The following TBC1D22A variants were observed in gnomAD, a reference collection of about 807,000 sequenced individuals.
The protein encoded by TBC1D22A is TBC1 domain family member 22A, also known as putative GTPase activator.
In TBC1D22A, 38 loss-of-function variants were observed where a neutral mutation model predicts 60.2. The ratio of observed to expected loss-of-function variants is 0.63; its 90% confidence interval spans 0.49 to 0.83. The LOEUF is 0.83. TBC1D22A is among the 40% of genes least tolerant of loss of function. The pLI is 0.00. For missense variants in TBC1D22A, 628 were observed against 701.0 expected (o/e 0.90, Z 1.18); for synonymous variants, 302 against 281.7 (o/e 1.07, Z -0.72).
At chr22:47,173,109 C>G (rs1239211360) in intron 12 of TBC1D22A, among the ~76,000 whole-genome samples, 6 of 152,244 alleles carry the variant, frequency 3.9e-5, no homozygotes, top group African/African-American at 1.4e-4. Context: ...TGGGTCTCCC[C>G]CTGAGGGGCA....
chr22:46,996,276 T>G (rs2075118892), intron 9 of TBC1D22A, among the ~76,000 whole-genome samples: 3 of 152,218 alleles, frequency 2.0e-5, no homozygotes, highest in African/African-American at 7.2e-5. Flanking sequence ...TGGCTTCCCC[T>G]AGCTGAGACT....
chr22:46,801,637 T>A (rs1160873699), intron 4 of TBC1D22A, among the ~76,000 whole-genome samples: 1 of 152,230 alleles, frequency 6.6e-6, no homozygotes, highest in African/African-American at 2.4e-5. Context: ...GAACACGCAG[T>A]TTCCTGAGGA....
At chr22:46,950,976 AT>A (rs2072868150) in intron 8 of TBC1D22A, among the ~76,000 whole-genome samples, 2 of 152,148 alleles carry the variant, frequency 1.3e-5, no homozygotes, top group South Asian at 4.1e-4. Context: ...TTGTCCTGAA[AT>A]ACGTGTGTGA....
chr22:46,986,293 C>T lies in TBC1D22A; in HGVS notation c.1126-11341C>T, dbSNP rs914281971. ...CCAGTTCACACTGTCTTCATTACTG[C>T]AGATTTTCATGGGTTGGGTAAGGCC... On this transcript the variant is annotated intron_variant, in intron 9 of 12. Transcript: ENST00000337137. Among the ~76,000 whole-genome samples the T allele has an allele frequency of 3.9e-5, 6 of 152,088 alleles. 1 individual carries two copies. Among genetic ancestry groups the T allele is most frequent in the Admixed American group, 6.5e-5 (1 of 15,286 alleles).
intron 11 of TBC1D22A, among the ~76,000 whole-genome samples, chr22:47,080,080 G>A (rs548077993): frequency 5.6e-4 from 86 of 152,242 alleles, no homozygotes; most frequent in Non-Finnish European, 6.5e-4. Flanking sequence ...AACCAAAAAC[G>A]TATAAACTAC....
At chr22:47,096,982 T>C (rs2065204689) in intron 11 of TBC1D22A, among the ~76,000 whole-genome samples, 1 of 107,716 alleles carries the variant, frequency 9.3e-6, no homozygotes, top group African/African-American at 4.0e-5. Flanking sequence ...CTCTGTACCA[T>C]TGATGGAACG....
chr22:46,955,756 G>A (rs1407990654), intron 8 of TBC1D22A, among the ~76,000 whole-genome samples: 1 of 152,132 alleles, frequency 6.6e-6, no homozygotes, highest in Non-Finnish European at 1.5e-5. Flanking sequence ...TGCTCTTCAG[G>A]TGAGGTGAAG....
chr22:47,167,982 A>G (rs2068270978), intron 12 of TBC1D22A, among the ~76,000 whole-genome samples: 1 of 152,106 alleles, frequency 6.6e-6, no homozygotes, highest in African/African-American at 2.4e-5. Context: ...TTATTATCCC[A>G]TTTTACAGAT....
rs564534655 is a variant in TBC1D22A, at chr22:46,995,082, A to G, written c.1126-2552A>G. Among the ~76,000 whole-genome samples the G allele has an allele frequency of 3.9e-5, 6 of 152,266 alleles. No homozygotes were observed. The South Asian group carries it at 1.2e-3, about 32-fold the overall frequency. On this transcript the variant is annotated intron_variant, in intron 9 of 12. Coordinates refer to ENST00000337137, the MANE Select transcript of TBC1D22A (RefSeq NM_014346.5). ...GGCCTAAAAGTCCTGCCCATTAAAC[A>G]CCGTATTTTGGACAGCCAAATTCAG...
At chr22:47,030,049 A>G (rs532405950) in intron 10 of TBC1D22A, among the ~76,000 whole-genome samples, 3 of 152,180 alleles carry the variant, frequency 2.0e-5, no homozygotes, top group Admixed American at 2.0e-4. Context: ...TGCAAATGAG[A>G]AAGGAGGTGG....
At chr22:46,921,060 T>G (rs1235004035) in intron 8 of TBC1D22A, among the ~76,000 whole-genome samples, 2 of 152,176 alleles carry the variant, frequency 1.3e-5, no homozygotes, top group African/African-American at 4.8e-5. Context: ...CATGAGCCAC[T>G]GTGCCCGGCT....
At chr22:47,146,806 C>A (rs1287294802) in intron 12 of TBC1D22A, among the ~76,000 whole-genome samples, 1 of 152,226 alleles carries the variant, frequency 6.6e-6, no homozygotes, top group African/African-American at 2.4e-5. Flanking sequence ...TCCCACAGAC[C>A]TTGTTCCCTC....
intron 3 of TBC1D22A, 138 bp downstream of exon 3, chr22:46,793,979 G>A (rs923497850): frequency 3.5e-6 from 3 of 846,806 alleles, no homozygotes; most frequent in Admixed American, 2.9e-5. Flanking sequence ...GAGCCCTTAT[G>A]GTTCTCTTCC....
At chr22:47,039,935 CTTTTTTTTTTTTTTTTTT>C (rs570751261) in intron 11 of TBC1D22A, among the ~76,000 whole-genome samples, 1 of 77,284 alleles carries the variant, frequency 1.3e-5, no homozygotes, top group Non-Finnish European at 2.3e-5. Context: ...GTGCCACAGC[CTTTTTTTTTTTTTTTTTT>C]TTTTTTTTTG....
At position 47,059,687 on chromosome 22, in the gene TBC1D22A, A is replaced by G. The variant is rs78700161; in HGVS notation, c.1329+22489A>G. ...CTCAAAGGTCCCTCTCTCTGTCATG[A>G]GCTAATTGGAATGAAATGCAGGTGC... On this transcript the variant is annotated intron_variant, in intron 11 of 12. Transcript: ENST00000337137. 7.0e-3 allele frequency among the ~76,000 whole-genome samples: 1,059 copies of G among 152,214 alleles called. 16 individuals carry two copies. Among genetic ancestry groups the G allele is most frequent in the African/African-American group, 0.024 (1,012 of 41,526 alleles).
intron 1 of TBC1D22A, among the ~76,000 whole-genome samples, chr22:46,791,247 CCTG>C: frequency 6.6e-6 from 1 of 152,302 alleles, no homozygotes; most frequent in South Asian, 2.1e-4. Flanking sequence ...GTCCTAAACT[CCTG>C]AGCTCAAGCG....
chr22:47,072,143 C>T (rs907083652), intron 11 of TBC1D22A, among the ~76,000 whole-genome samples: 2 of 152,182 alleles, frequency 1.3e-5, no homozygotes, highest in African/African-American at 2.4e-5. Flanking sequence ...ATGGCCAGGA[C>T]GCTGGTGGGC....
chr22:47,120,796 G>T (rs1232437654), intron 12 of TBC1D22A, among the ~76,000 whole-genome samples: 1 of 152,178 alleles, frequency 6.6e-6, no homozygotes, highest in East Asian at 1.9e-4. Context: ...CACTCATTTA[G>T]GTCTAGAAGT....
chr22:46,789,058 C>G lies in TBC1D22A; in HGVS notation c.63-3462C>G, dbSNP rs572436920. On this transcript the variant is annotated intron_variant, in intron 1 of 12. Transcript: ENST00000337137. ...ATCAGGTACGTGCTGTTTTGTTTGT[C>G]TCAACCTTCTGCCAGCCACTTTTCC... 65 of 164,158 alleles carry G rather than the reference C, an allele frequency of 4.0e-4. No homozygotes were observed. The South Asian group carries it at 7.7e-3, about 19-fold the overall frequency. 10.2% of individuals were successfully genotyped at this position (164,158 alleles called of 1,614,324 possible).
Sources: gnomAD v4.1 joint callset for allele counts (sites outside exome capture counted in the v4.1 genomes callset) on GRCh38, gnomAD v4.1.1 for gene constraint, MANE v1.5 for transcripts, NCBI Gene and HGNC (gene_info 2026-07-23, HGNC 2026-07-21) for gene names.